The following SHD variants were observed in gnomAD, a reference collection of about 807,000 sequenced individuals.
SHD encodes SH2 domain-containing adapter protein D.
Under a neutral mutation model 31.2 loss-of-function variants are expected in SHD, and 29 were observed. The observed-to-expected ratio is 0.93, with a 90% CI of 0.69 to 1.27. The LOEUF (loss-of-function observed/expected upper bound fraction) is 1.27, where lower values mean the gene tolerates loss of function less well. Among genes scored for constraint, SHD ranks in the 50% most tolerant of loss-of-function variants. SHD has a pLI of 0.00. For synonymous variants in SHD, 208 were observed against 187.8 expected (o/e 1.11, Z -0.88); for missense variants, 520 against 453.8 (o/e 1.15, Z -1.33).
chr19:4,284,880 C>A lies in SHD; in HGVS notation c.692C>A (p.Pro231Gln). 6.2e-7 allele frequency: 1 copy of A among 1,606,748 alleles called. No homozygotes were observed. Among genetic ancestry groups the A allele is most frequent in the South Asian group, 1.1e-5 (1 of 90,490 alleles). The change falls in exon 4 of 6, where the codon CCA becomes CAA. Residue 231 changes from proline to glutamine, a missense_variant. By Grantham distance (76) the Pro-to-Gln change is moderately conservative (BLOSUM62 -1). Coordinates refer to ENST00000543264, the MANE Select transcript of SHD (RefSeq NM_020209.4). The part of the protein sequence containing the change: ...RSPQPAERVD[P>Q]ALPLEKQPWF... Reference sequence around the variant, plus strand: ...CCCCAGCCTGCGGAGCGTGTGGACCCAGCCCTGCCCCTGGAGAAACAGCCG... The same window carrying A: ...CCCCAGCCTGCGGAGCGTGTGGACCAAGCCCTGCCCCTGGAGAAACAGCCG...
chr19:4,280,377 C>A lies in SHD; in HGVS notation c.297+17C>A. Reference sequence around the variant, plus strand: ...GGGGAGGAGGTGCGTGGCTGGGTGGCCTGGGGAGACTGGGTGGAGGGGAGG... The same window carrying A: ...GGGGAGGAGGTGCGTGGCTGGGTGGACTGGGGAGACTGGGTGGAGGGGAGG... On this transcript the variant is annotated intron_variant, in intron 1 of 5. Transcript: ENST00000543264. 6.5e-7 allele frequency: 1 copy of A among 1,544,998 alleles called. No individual in the cohort carries two copies. The highest frequency in any genetic ancestry group is 8.7e-7 in the Non-Finnish European group (1 of 1,143,820).
intron 4 of SHD, 148 bp downstream of exon 4, chr19:4,285,052 C>A: frequency 1.9e-6 from 2 of 1,042,872 alleles, no homozygotes; most frequent in Non-Finnish European, 2.6e-6. Context: ...CTAATCTTTA[C>A]GGGCTCCAGA....
chr19:4,289,435 AG>A (rs1327353551), intron 5 of SHD, among the ~76,000 whole-genome samples: 1 of 151,516 alleles, frequency 6.6e-6, no homozygotes, highest in Non-Finnish European at 1.5e-5. Flanking sequence ...TAGTACAGAC[AG>A]GGTTTCGCCA....
chr19:4,283,879 C>T (rs970729926), intron 3 of SHD, among the ~76,000 whole-genome samples: 100 of 151,044 alleles, frequency 6.6e-4, no homozygotes, highest in African/African-American at 2.4e-3. Context: ...CGCCCCCGCC[C>T]GGGGCAGCAT....
At chr19:4,281,883 T>C (rs1971260121) in intron 1 of SHD, among the ~76,000 whole-genome samples, 1 of 152,216 alleles carries the variant, frequency 6.6e-6, no homozygotes. Context: ...AAACACTTAC[T>C]GTCTCTGTGC....
rs973730844 is a variant in SHD at position 4,280,014 on chromosome 19, C to G, written c.-50C>G. ...TTGGGGAAAGGGGCCCGGAGAAGGG[C>G]ATGTGGGGGCCCCTCTGACAGTGGC... is the stretch of plus-strand genomic sequence containing the variant. On this transcript the variant is annotated 5_prime_UTR_variant, in exon 1 of 6. Transcript: ENST00000543264. 1.8e-5 allele frequency: 28 copies of G among 1,517,190 alleles called. No individual in the cohort carries two copies. Among genetic ancestry groups the G allele is most frequent in the Non-Finnish European group, 2.4e-5 (27 of 1,134,778 alleles). 94.0% of individuals were successfully genotyped at this position (1,517,190 alleles called of 1,614,324 possible).
At chr19:4,288,731 G>A (rs1971345505) in intron 5 of SHD, among the ~76,000 whole-genome samples, 1 of 152,150 alleles carries the variant, frequency 6.6e-6, no homozygotes, top group Non-Finnish European at 1.5e-5. Flanking sequence ...ACCTGTAAGC[G>A]TTTTAGGTTG....
At chr19:4,287,668 C>G (rs993382842) in intron 4 of SHD, among the ~76,000 whole-genome samples, 3 of 151,884 alleles carry the variant, frequency 2.0e-5, no homozygotes, top group African/African-American at 7.3e-5. Context: ...GCCTGTAGTT[C>G]CAGCTACTCT....
chr19:4,285,791 A>C (rs1031905540), intron 4 of SHD, among the ~76,000 whole-genome samples: 1 of 148,952 alleles, frequency 6.7e-6, no homozygotes, highest in Admixed American at 6.7e-5. Context: ...CTCATGATCC[A>C]TCCACCTCGG....
chr19:4,284,972 G>A, intron 4 of SHD, 68 bp downstream of exon 4: 1 of 1,393,988 alleles, frequency 7.2e-7, no homozygotes, highest in Non-Finnish European at 9.4e-7. Context: ...GTATCAGGCA[G>A]AAGTTTTTTC....
intron 5 of SHD, among the ~76,000 whole-genome samples, chr19:4,288,591 G>C (rs989428509): frequency 6.6e-6 from 1 of 152,098 alleles, no homozygotes; most frequent in Non-Finnish European, 1.5e-5. Flanking sequence ...AGATGGAGTG[G>C]AAGGCATCGA....
In SHD at chr19:4,283,147, G is replaced by C; in HGVS notation, c.497G>C (p.Arg166Pro). The stretch of plus-strand genomic sequence containing the variant: ...GGACCCCCTTCTGGGCAGAAGCCTC[G>C]GCAGAGCCGGATGCCCCAGGAAGAT... The part of the protein sequence containing the change: ...ADGPPSGQKP[R>P]QSRMPQEDER... The change falls in exon 3 of 6, where the codon CGG (arginine) becomes CCG (proline). Residue 166 changes from arginine (R) to proline (P), a missense_variant. Transcript: ENST00000543264. The C allele has an allele frequency of 1.9e-6, 3 of 1,614,114 alleles. No homozygotes were observed. Among genetic ancestry groups the C allele is most frequent in the South Asian group, 1.1e-5 (1 of 91,088 alleles).
chr19:4,286,246 T>TC (rs1971312105), intron 4 of SHD, among the ~76,000 whole-genome samples: 2 of 116,058 alleles, frequency 1.7e-5, no homozygotes, highest in African/African-American at 6.4e-5. Flanking sequence ...TTTCTTTCTT[T>TC]CTTTCTTTCT....
intron 5 of SHD, 43 bp from the exon 6 acceptor site, chr19:4,290,404 G>A: frequency 6.4e-7 from 1 of 1,562,778 alleles, no homozygotes; most frequent in Non-Finnish European, 8.7e-7. Flanking sequence ...CTTTCTGGGT[G>A]GGTCCGGGAT....
chr19:4,287,583 G>A (rs1210158647), intron 4 of SHD, among the ~76,000 whole-genome samples: 1 of 151,912 alleles, frequency 6.6e-6, no homozygotes, highest in Non-Finnish European at 1.5e-5. Flanking sequence ...TTAGGAGTTC[G>A]AGACCAGCCT....
chr19:4,283,824 C>G (rs1316718823), intron 3 of SHD, among the ~76,000 whole-genome samples: 4 of 150,898 alleles, frequency 2.7e-5, no homozygotes, highest in South Asian at 2.1e-4. Context: ...GTGATCCACC[C>G]GCCTCGGCCT....
chr19:4,281,129 C>T (rs1220761918), intron 1 of SHD, among the ~76,000 whole-genome samples: 4 of 151,860 alleles, frequency 2.6e-5, no homozygotes, highest in Non-Finnish European at 5.9e-5. Flanking sequence ...TAAGGTCTCA[C>T]GGGGTTCTAG....
chr19:4,281,816 A>AC (rs887798950), intron 1 of SHD, among the ~76,000 whole-genome samples: 1 of 152,082 alleles, frequency 6.6e-6, no homozygotes, highest in African/African-American at 2.4e-5. Context: ...ACTCGAGGAA[A>AC]CCAGTCAGCC....
At position 4,286,287 on chromosome 19, in the gene SHD, CT is replaced by C. The variant is rs55736655; in HGVS notation, c.716+1386del. On this transcript the variant is annotated intron_variant, in intron 4 of 5. Transcript: ENST00000543264. Reference sequence around the variant, plus strand: ...TCTTTCTTTCTTTCTTTCTTTTTTTCTTTCCTTCCTTCCTTCCTTCCTTCCT... The same window carrying C: ...TCTTTCTTTCTTTCTTTCTTTTTTTCTTCCTTCCTTCCTTCCTTCCTTCCT... 7.2e-3 allele frequency among the ~76,000 whole-genome samples: 867 copies of C among 120,136 alleles called. 16 individuals carry two copies. Among genetic ancestry groups the C allele is most frequent in the Admixed American group, 0.011 (125 of 11,532 alleles). 78.8% of individuals were successfully genotyped at this position (120,136 alleles called of 152,430 possible).
Sources: allele counts gnomAD v4.1 joint callset (sites outside exome capture counted in the v4.1 genomes callset), GRCh38; gene constraint gnomAD v4.1.1; transcripts MANE v1.5; gene names NCBI Gene and HGNC (gene_info 2026-07-23, HGNC 2026-07-21).